Variants in NEUROD1 observed in about 807,000 individuals in gnomAD.
NEUROD1 encodes neurogenic differentiation factor 1.
Under a neutral mutation model 21.8 loss-of-function variants are expected in NEUROD1, and 9 were observed. That is an observed-to-expected ratio of 0.41 (90% CI 0.25 to 0.72). The LOEUF (loss-of-function observed/expected upper bound fraction) is 0.72, where lower values mean the gene tolerates loss of function less well. Among genes scored for constraint, NEUROD1 ranks in the 30% least tolerant of loss-of-function variants. NEUROD1 has a pLI of 0.31. For synonymous variants in NEUROD1, 199 were observed against 186.2 expected (o/e 1.07, Z -0.56); for missense variants, 434 against 468.8 (o/e 0.93, Z 0.69).
intron 1 of NEUROD1, among the ~76,000 whole-genome samples, chr2:181,679,153 G>A (rs140893748): frequency 4.6e-5 from 7 of 152,124 alleles, no homozygotes; most frequent in Admixed American, 1.3e-4. Context: ...GTATCCTAGT[G>A]ATTAACTTAA....
intron 1 of NEUROD1, among the ~76,000 whole-genome samples, chr2:181,679,992 C>T (rs1009239409): frequency 6.6e-6 from 1 of 152,126 alleles, no homozygotes; most frequent in African/African-American, 2.4e-5. Flanking sequence ...TATCCATGTC[C>T]CTTTCATTCA....
chr2:181,676,124 T>A (rs1157693005), downstream of NEUROD1, among the ~76,000 whole-genome samples: 5 of 151,998 alleles, frequency 3.3e-5, no homozygotes, highest in Non-Finnish European at 5.9e-5. Flanking sequence ...ATCCACCTTT[T>A]AAAAAAAGAA....
chr2:181,674,806 G>GAA (rs34619473), downstream of NEUROD1, among the ~76,000 whole-genome samples: 678 of 143,962 alleles, frequency 4.7e-3, 3 homozygotes, highest in African/African-American at 0.016. Context: ...AAAATGGGAA[G>GAA]AAAAAAAAAA....
intron 1 of NEUROD1, among the ~76,000 whole-genome samples, chr2:181,679,511 C>A (rs997852999): frequency 1.3e-5 from 2 of 152,228 alleles, no homozygotes; most frequent in Non-Finnish European, 2.9e-5. Flanking sequence ...GGTCTTCCAC[C>A]CCTCCCTCGC....
chr2:181,678,991 G>T lies in NEUROD1; in HGVS notation c.-11-120C>A. The T allele has an allele frequency of 1.6e-6, 2 of 1,215,150 alleles. No individual in the cohort carries two copies. Among genetic ancestry groups the T allele is most frequent in the Non-Finnish European group, 2.3e-6 (2 of 867,502 alleles). 75.3% of individuals were successfully genotyped at this position (1,215,150 alleles called of 1,614,324 possible). A position where few individuals can be genotyped will look rare whatever the true frequency, so the allele number is the denominator to read the frequency against. ...GTACAAATGCTTGCGAAAAGTACCT[G>T]CCCATTACAAAATGAATGCCTCTGA... On this transcript the variant is annotated intron_variant, in intron 1 of 1. Transcript: ENST00000295108. This position sits in a 1 kb window ranked among gnomAD's most constrained non-coding sequence, Gnocchi z 5.5.
chr2:181,675,178 T>C (rs1688550741), downstream of NEUROD1, among the ~76,000 whole-genome samples: 1 of 152,178 alleles, frequency 6.6e-6, no homozygotes. Flanking sequence ...TGGAATGAGA[T>C]TGCTGCATTT....
At chr2:181,673,940 A>G (rs1688530627), downstream of NEUROD1, among the ~76,000 whole-genome samples, 1 of 152,152 alleles carries the variant, frequency 6.6e-6, no homozygotes, top group Non-Finnish European at 1.5e-5. Flanking sequence ...TTACTGTAAC[A>G]TATTATAAAC....
rs1057283657 is a variant in NEUROD1, at chr2:181,676,903, T to C, written c.*887A>G. Reference sequence around the variant, plus strand: ...AAGTAACAGTGCAAATTGTATGTGATAGTCAAGCAGCTTTTGATTTAAAGA... The same window carrying C: ...AAGTAACAGTGCAAATTGTATGTGACAGTCAAGCAGCTTTTGATTTAAAGA... On this transcript the variant is annotated 3_prime_UTR_variant, in exon 2 of 2. Coordinates refer to ENST00000295108, the MANE Select transcript of NEUROD1 (RefSeq NM_002500.5). The C allele has an allele frequency of 4.6e-5, 7 of 152,566 alleles. No individual in the cohort carries two copies. The highest frequency in any genetic ancestry group is 1.7e-4 in the African/African-American group (7 of 41,456). 9.5% of individuals were successfully genotyped at this position (152,566 alleles called of 1,614,324 possible). A position where few individuals can be genotyped will look rare whatever the true frequency, so the allele number is the denominator to read the frequency against.
Position 181,678,043 on chromosome 2 carries a change from A to C in NEUROD1, c.818T>G (p.Leu273Arg). The C allele has an allele frequency of 6.2e-7, 1 of 1,614,166 alleles. No homozygotes were observed. The highest frequency in any genetic ancestry group is 8.5e-7 in the Non-Finnish European group (1 of 1,180,024). Residue 273 changes from leucine to arginine, a missense_variant, in exon 2 of 2, where the codon CTC (leucine) becomes CGC (arginine). Leu to Arg is a moderately radical substitution (Grantham distance 102). Transcript: ENST00000295108. The surrounding 1 kb of genome is among the most constrained non-coding windows in gnomAD (Gnocchi z 5.5). The stretch of plus-strand genomic sequence containing the variant: ...GCCATTGATGCTGAGCGGCGGGCTG[A>C]GGGGTCCATCAAAGGAAGGGCTGGT... The part of the protein sequence containing the change: ...DCTSPSFDGP[L>R]SPPLSINGNF...
chr2:181,671,098 A>G (rs992267441), exon 2 of NEUROD1, among the ~76,000 whole-genome samples: 32 of 151,828 alleles, frequency 2.1e-4, no homozygotes, highest in Non-Finnish European at 3.8e-4. Context: ...CCTTGACAAT[A>G]TGTTTTAATA....
downstream of NEUROD1, among the ~76,000 whole-genome samples, chr2:181,675,038 C>T (rs1244678644): frequency 6.6e-6 from 1 of 152,164 alleles, no homozygotes; most frequent in Admixed American, 6.5e-5. Flanking sequence ...ACTTCATTAC[C>T]TCCTACACTG....
At position 181,671,412 on chromosome 2, in the gene NEUROD1, A is replaced by G. The variant is rs189282014; in HGVS notation, n.2534T>C. Among the ~76,000 whole-genome samples the G allele has an allele frequency of 7.9e-5, 12 of 152,252 alleles. No homozygotes were observed. In the East Asian group the frequency reaches 2.1e-3, roughly 27 times the overall value. ...ATAAAGATTATTCAGTTAACAAACA[A>G]TGACAAGTGATGTTATCTCAAATCA... is the stretch of plus-strand genomic sequence containing the variant. On this transcript the variant is annotated non_coding_transcript_exon_variant, in exon 2 of 2. Transcript: ENST00000496876.
chr2:181,677,720 T>C lies in NEUROD1; in HGVS notation c.*70A>G. On this transcript the variant is annotated 3_prime_UTR_variant, in exon 2 of 2. Coordinates refer to ENST00000295108, the MANE Select transcript of NEUROD1 (RefSeq NM_002500.5). ...CAGCAGTAGTACCCAAAGGGCTGCC[T>C]TTTGTAAACACGACAGTCACTGTAA... The C allele has an allele frequency of 6.2e-7, 1 of 1,612,176 alleles. No individual in the cohort carries two copies.
chr2:181,678,538 G>A lies in NEUROD1; in HGVS notation c.323C>T (p.Ala108Val). 6.2e-7 allele frequency: 1 copy of A among 1,614,220 alleles called. No individual in the cohort carries two copies. Among genetic ancestry groups the A allele is most frequent in the Non-Finnish European group, 8.5e-7 (1 of 1,180,040 alleles). ...TCCGTGCATGCGGTTCCGCTCCCGG[G>A]CGTTAGCCTTCATGCGTCTCAATTT... ...RFKLRRMKAN[A>V]RERNRMHGLN... Residue 108 changes from alanine (A) to valine (V), a missense_variant, in exon 2 of 2, where the codon GCC becomes GTC. Transcript: ENST00000295108. This position sits in a 1 kb window ranked among gnomAD's most constrained non-coding sequence, Gnocchi z 5.5.
At chr2:181,669,337 C>G (rs1688465118), downstream of NEUROD1, among the ~76,000 whole-genome samples, 1 of 152,054 alleles carries the variant, frequency 6.6e-6, no homozygotes, top group African/African-American at 2.4e-5. Context: ...AAAACAATTC[C>G]CCTTTCTTTC....
At chr2:181,672,597 G>C (rs561946826), downstream of NEUROD1, among the ~76,000 whole-genome samples, 1 of 152,206 alleles carries the variant, frequency 6.6e-6, no homozygotes, top group African/African-American at 2.4e-5. Flanking sequence ...TCTGGAAAGA[G>C]GGAGGGGCAA....
downstream of NEUROD1, among the ~76,000 whole-genome samples, chr2:181,676,234 C>T (rs1012993182): frequency 5.3e-5 from 8 of 152,150 alleles, no homozygotes; most frequent in East Asian, 1.9e-4. Context: ...TTTGTACTGC[C>T]GTCCAGTCCC....
Position 181,677,950 on chromosome 2 carries a change from G to C in NEUROD1, c.911C>G (p.Pro304Arg). The part of the protein sequence containing the change: ...EKNYAFTMHY[P>R]AATLAGAQSH... ...TTGGGCCCCTGCCAGTGTCGCTGCA[G>C]GATAGTGCATGGTAAAGGCATAATT... Residue 304 changes from proline to arginine, a missense_variant, in exon 2 of 2, where the codon CCT becomes CGT. Transcript: ENST00000295108. 1 of 1,614,208 alleles carries C rather than the reference G, an allele frequency of 6.2e-7. No homozygotes were observed. Among genetic ancestry groups the C allele is most frequent in the Non-Finnish European group, 8.5e-7 (1 of 1,180,032 alleles).
At position 181,678,078 on chromosome 2, in the gene NEUROD1, C is replaced by T. The variant is rs762843848; in HGVS notation, c.783G>A (p.Leu261=). The part of the protein sequence containing the change: ...AALEPFFESP[L]TDCTSPSFDG... ...CAAAGGAAGGGCTGGTGCAATCAGTCAGAGGGCTTTCAAAGAAGGGCTCCA... is the reference window on the plus strand; with the variant it reads ...CAAAGGAAGGGCTGGTGCAATCAGTTAGAGGGCTTTCAAAGAAGGGCTCCA... Residue 261 remains leucine (L), a synonymous_variant, in exon 2 of 2, where the codon CTG becomes CTA. Transcript: ENST00000295108. This position sits in a 1 kb window ranked among gnomAD's most constrained non-coding sequence, Gnocchi z 5.5. 4.3e-6 allele frequency: 7 copies of T among 1,614,156 alleles called. No individual in the cohort carries two copies. Among genetic ancestry groups the T allele is most frequent in the Non-Finnish European group, 5.9e-6 (7 of 1,180,036 alleles).
Sources: allele counts gnomAD v4.1 joint callset (sites outside exome capture counted in the v4.1 genomes callset), GRCh38; gene constraint gnomAD v4.1.1; non-coding constraint Gnocchi (gnomAD v3.1); transcripts MANE v1.5; gene names NCBI Gene and HGNC (gene_info 2026-07-23, HGNC 2026-07-21).